The following GTF2IRD1 variants were observed in gnomAD, a reference collection of about 807,000 sequenced individuals.
The protein encoded by GTF2IRD1 is GTF2I repeat domain containing 1, also known as general transcription factor II-I repeat domain-containing protein 1.
A neutral mutation model predicts 113.2 loss-of-function variants in GTF2IRD1; 26 were observed. The observed-to-expected ratio is 0.23, with a 90% CI of 0.17 to 0.32. GTF2IRD1 has a LOEUF of 0.32. GTF2IRD1 is among the 10% of genes least tolerant of loss of function. The probability of loss-of-function intolerance (pLI) is 1.00; values close to 1 mark genes in which losing one functional copy is unlikely to be tolerated. For missense variants in GTF2IRD1, 864 were observed against 1,280.8 expected (o/e 0.67, Z 4.97); for synonymous variants, 484 against 529.1 (o/e 0.91, Z 1.17).
rs1554344769 is a variant in GTF2IRD1 at position 74,517,028 on chromosome 7, G to GTTGTTGTTGT, written c.422-1108_422-1099dup. Among the ~76,000 whole-genome samples the GTTGTTGTTGT allele has an allele frequency of 4.2e-3, 632 of 151,058 alleles. 1 individual carries two copies. The highest frequency in any genetic ancestry group is 6.5e-3 in the Non-Finnish European group (437 of 67,748). On this transcript the variant is annotated intron_variant, in intron 4 of 26. Transcript: ENST00000424337. ...TGTTGTTGTTGTTGTTGTTGTTGTT[G>GTTGTTGTTGT]TTGTTGTTGTTTTGAGATGAAGTTT...
chr7:74,558,840 G>A, intron 20 of GTF2IRD1, 21 bp from the exon 21 acceptor site: 1 of 1,602,494 alleles, frequency 6.2e-7, no homozygotes, highest in Non-Finnish European at 8.5e-7. Context: ...TGACGGGCAG[G>A]ACCCTGCCTC....
At chr7:74,503,639 C>T (rs1319243028) in intron 1 of GTF2IRD1, among the ~76,000 whole-genome samples, 2 of 152,068 alleles carry the variant, frequency 1.3e-5, no homozygotes, top group Non-Finnish European at 2.9e-5. Flanking sequence ...ATCCCAGCTA[C>T]GGGGGAGGCT....
chr7:74,577,939 C>T (rs1485660439), intron 22 of GTF2IRD1, among the ~76,000 whole-genome samples: 1 of 152,088 alleles, frequency 6.6e-6, no homozygotes, highest in Non-Finnish European at 1.5e-5. Flanking sequence ...TCCCAAGTAG[C>T]TGGGACTATA....
At chr7:74,481,738 A>G (rs1794752216) in intron 1 of GTF2IRD1, among the ~76,000 whole-genome samples, 1 of 152,190 alleles carries the variant, frequency 6.6e-6, no homozygotes. Context: ...GGATGTACCA[A>G]GTGAAAGCTT....
chr7:74,527,646 A>G (rs1432887262), intron 8 of GTF2IRD1, among the ~76,000 whole-genome samples: 3 of 152,220 alleles, frequency 2.0e-5, no homozygotes, highest in African/African-American at 7.2e-5. Flanking sequence ...GTTCAAAACC[A>G]GCCTGGCCAA....
At chr7:74,468,601 G>A (rs1793876660) in intron 1 of GTF2IRD1, among the ~76,000 whole-genome samples, 1 of 151,118 alleles carries the variant, frequency 6.6e-6, no homozygotes, top group Non-Finnish European at 1.5e-5. Context: ...AGAGGTTGCA[G>A]TGAGCCAAGA....
chr7:74,484,453 CT>C (rs1173256681), intron 1 of GTF2IRD1, among the ~76,000 whole-genome samples: 13,460 of 126,038 alleles, frequency 0.11, 438 homozygotes, highest in African/African-American at 0.15. Flanking sequence ...GGCCATCCTT[CT>C]TTTTTTTTTT....
intron 1 of GTF2IRD1, among the ~76,000 whole-genome samples, chr7:74,461,818 A>G (rs553230438): frequency 2.0e-4 from 31 of 152,208 alleles, no homozygotes; most frequent in African/African-American, 7.5e-4. Flanking sequence ...ATCTCAAGTG[A>G]TCTGTCCACC....
At chr7:74,578,126 T>A (rs1554365062) in intron 22 of GTF2IRD1, among the ~76,000 whole-genome samples, 1 of 152,154 alleles carries the variant, frequency 6.6e-6, no homozygotes, top group Non-Finnish European at 1.5e-5. Flanking sequence ...TTTTTAAAAA[T>A]TATTTTATTG....
chr7:74,455,410 C>T (rs1351755649), intron 1 of GTF2IRD1, among the ~76,000 whole-genome samples: 1 of 152,222 alleles, frequency 6.6e-6, no homozygotes, highest in Non-Finnish European at 1.5e-5. Context: ...GTCTGGCTGC[C>T]CCGTGGCCAG....
In GTF2IRD1 at chr7:74,547,042, A is replaced by G; in HGVS notation, c.1733-61A>G. ...GCCCCCCGACACAGGCACGGGACAC[A>G]GGGGTTGAGGCTCCTGGCCCTGTGG... On this transcript the variant is annotated intron_variant, in intron 16 of 26. Transcript: ENST00000424337. 3.4e-6 allele frequency: 5 copies of G among 1,476,900 alleles called. No homozygotes were observed. In the South Asian group the frequency reaches 3.5e-5, roughly 10 times the overall value. The allele number at this position is 1,476,900 out of a possible 1,614,324, so 91.5% of individuals were successfully genotyped here.
chr7:74,516,564 T>A (rs1295668281), intron 4 of GTF2IRD1, among the ~76,000 whole-genome samples: 2 of 152,170 alleles, frequency 1.3e-5, no homozygotes, highest in Non-Finnish European at 2.9e-5. Flanking sequence ...CCTCATTCAT[T>A]TCTGATTTGG....
intron 22 of GTF2IRD1, among the ~76,000 whole-genome samples, chr7:74,581,015 C>T (rs1801384748): frequency 6.6e-6 from 1 of 152,040 alleles, no homozygotes; most frequent in East Asian, 1.9e-4. Context: ...ACTAAACCCC[C>T]TTTTCTGGGG....
chr7:74,506,768 T>A (rs1449164067), intron 1 of GTF2IRD1: 2 of 152,146 alleles, frequency 1.3e-5, no homozygotes, highest in African/African-American at 4.8e-5. Flanking sequence ...GATCTTTGCA[T>A]CTCATGGGTG....
chr7:74,482,058 T>C (rs887442328), intron 1 of GTF2IRD1, among the ~76,000 whole-genome samples: 1 of 151,970 alleles, frequency 6.6e-6, no homozygotes, highest in African/African-American at 2.4e-5. Context: ...AGTGACAGCA[T>C]GGGGTGAGGG....
chr7:74,537,269 C>T (rs587651824), intron 11 of GTF2IRD1, among the ~76,000 whole-genome samples: 1 of 152,126 alleles, frequency 6.6e-6, no homozygotes, highest in East Asian at 1.9e-4. Flanking sequence ...AAAAATTAGC[C>T]AGGCGCAGCG....
At chr7:74,501,201 G>A (rs1320867842) in intron 1 of GTF2IRD1, among the ~76,000 whole-genome samples, 6 of 152,088 alleles carry the variant, frequency 3.9e-5, no homozygotes, top group Non-Finnish European at 5.9e-5. Flanking sequence ...GTTCACTGCC[G>A]GGCAGGGTTG....
intron 1 of GTF2IRD1, among the ~76,000 whole-genome samples, chr7:74,476,022 G>A (rs538776240): frequency 6.6e-6 from 1 of 152,302 alleles, no homozygotes; most frequent in African/African-American, 2.4e-5. Flanking sequence ...TGGCAGGTGT[G>A]GTCCAGGTAC....
Position 74,602,568 on chromosome 7 carries a change from G to T in GTF2IRD1, c.*135G>T. 3.8e-6 allele frequency: 2 copies of T among 525,196 alleles called. No homozygotes were observed. The highest frequency in any genetic ancestry group is 4.3e-5 in the South Asian group (1 of 23,268). 32.5% of individuals were successfully genotyped at this position (525,196 alleles called of 1,614,324 possible). A position where few individuals can be genotyped will look rare whatever the true frequency, so the allele number is the denominator to read the frequency against. On this transcript the variant is annotated 3_prime_UTR_variant, in exon 27 of 27. Transcript: ENST00000424337. ...TTTACACTATATTCCTGCCACCAAG[G>T]CCTTTTTAAATAAGTAAAAAAAGAA...
Sources: gnomAD v4.1 joint callset for allele counts (sites outside exome capture counted in the v4.1 genomes callset) on GRCh38, gnomAD v4.1.1 for gene constraint, MANE v1.5 for transcripts, NCBI Gene and HGNC (gene_info 2026-07-23, HGNC 2026-07-21) for gene names.